The following NXPH2 variants were observed in gnomAD, a reference collection of about 807,000 sequenced individuals.
The protein encoded by NXPH2 is neurexophilin 2.
In NXPH2, 5 loss-of-function variants were observed where a neutral mutation model predicts 19.8. That is an observed-to-expected ratio of 0.25 (90% CI 0.13 to 0.53). The LOEUF is 0.53. Among genes scored for constraint, NXPH2 ranks in the 20% least tolerant of loss-of-function variants. The probability of loss-of-function intolerance (pLI) is 0.96; values close to 1 mark genes in which losing one functional copy is unlikely to be tolerated. For missense variants in NXPH2, 289 were observed against 322.8 expected (o/e 0.90, Z 0.80); for synonymous variants, 154 against 127.4 (o/e 1.21, Z -1.41).
chr2:138,769,617 A>G (rs1257144193), intron 1 of NXPH2, among the ~76,000 whole-genome samples: 1 of 152,178 alleles, frequency 6.6e-6, no homozygotes, highest in Non-Finnish European at 1.5e-5. Context: ...CAGGCAGGAC[A>G]CTGAAGTTTT....
intron 1 of NXPH2, among the ~76,000 whole-genome samples, chr2:138,687,218 T>C (rs1280818841): frequency 2.6e-5 from 4 of 152,298 alleles, no homozygotes; most frequent in South Asian, 2.1e-4. Flanking sequence ...GCACCTGTTG[T>C]TTCCTGACTT....
chr2:138,672,929 T>G (rs2104963836), intron 1 of NXPH2, among the ~76,000 whole-genome samples: 1 of 152,350 alleles, frequency 6.6e-6, no homozygotes, highest in South Asian at 2.1e-4. Flanking sequence ...TGTATGTTCA[T>G]AAAAGTTTAG....
At chr2:138,688,620 A>G (rs2104974248) in intron 1 of NXPH2, among the ~76,000 whole-genome samples, 1 of 152,340 alleles carries the variant, frequency 6.6e-6, no homozygotes, top group South Asian at 2.1e-4. Flanking sequence ...AGTACCATTT[A>G]TTAATGCATT....
chr2:138,755,969 G>T (rs1286452486), intron 1 of NXPH2, among the ~76,000 whole-genome samples: 1 of 151,850 alleles, frequency 6.6e-6, no homozygotes, highest in Non-Finnish European at 1.5e-5. Flanking sequence ...TCAAATTCCA[G>T]TTGTTCTTTA....
chr2:138,673,991 T>C (rs995095943), intron 1 of NXPH2, among the ~76,000 whole-genome samples: 6 of 152,024 alleles, frequency 3.9e-5, no homozygotes, highest in Non-Finnish European at 7.4e-5. Flanking sequence ...GAATACTATT[T>C]ATTTATTTTT....
chr2:138,738,816 C>T (rs559819115), intron 1 of NXPH2, among the ~76,000 whole-genome samples: 3 of 152,282 alleles, frequency 2.0e-5, no homozygotes, highest in Admixed American at 1.3e-4. Flanking sequence ...CCACATGTAC[C>T]GCAGCATCAA....
chr2:138,728,858 C>A (rs757390347), intron 1 of NXPH2, among the ~76,000 whole-genome samples: 1 of 152,108 alleles, frequency 6.6e-6, no homozygotes, highest in East Asian at 1.9e-4. Flanking sequence ...CTGTTTTCAT[C>A]GTCTAGTCTA....
intron 1 of NXPH2, among the ~76,000 whole-genome samples, chr2:138,740,932 A>T (rs970620707): frequency 7.2e-6 from 1 of 138,592 alleles, no homozygotes; most frequent in Non-Finnish European, 1.6e-5. Flanking sequence ...TACAGTAGAG[A>T]TGTGTGTGGG....
At chr2:138,687,533 G>A (rs1211965359) in intron 1 of NXPH2, among the ~76,000 whole-genome samples, 1 of 152,068 alleles carries the variant, frequency 6.6e-6, no homozygotes, top group Non-Finnish European at 1.5e-5. Context: ...TTCTTTTGCT[G>A]TGCAGAAGCT....
At chr2:138,763,549 A>C (rs1209410733) in intron 1 of NXPH2, among the ~76,000 whole-genome samples, 2 of 152,196 alleles carry the variant, frequency 1.3e-5, no homozygotes, top group African/African-American at 4.8e-5. Context: ...CAAACAATGG[A>C]ATCAACCAGT....
intron 1 of NXPH2, among the ~76,000 whole-genome samples, chr2:138,690,494 G>A (rs182222834): frequency 2.0e-5 from 3 of 151,786 alleles, no homozygotes. Flanking sequence ...GGTGCTTCTA[G>A]AGATGGGTCC....
At chr2:138,676,084 C>T (rs922759836) in intron 1 of NXPH2, among the ~76,000 whole-genome samples, 1 of 152,066 alleles carries the variant, frequency 6.6e-6, no homozygotes, top group African/African-American at 2.4e-5. Flanking sequence ...GTTGGTAAAA[C>T]TGTGTACAAC....
intron 1 of NXPH2, among the ~76,000 whole-genome samples, chr2:138,736,931 C>T (rs1681556865): frequency 1.3e-5 from 2 of 152,208 alleles, no homozygotes; most frequent in Admixed American, 1.3e-4. Context: ...CAAGAGTCAC[C>T]TTGGCTCCAG....
chr2:138,713,159 C>G (rs949290705), intron 1 of NXPH2, among the ~76,000 whole-genome samples: 2 of 152,236 alleles, frequency 1.3e-5, no homozygotes, highest in Non-Finnish European at 2.9e-5. Context: ...CATTCAGGAT[C>G]TACTTCCCCA....
At chr2:138,707,836 C>T (rs12691954) in intron 1 of NXPH2, among the ~76,000 whole-genome samples, 76,292 of 151,924 alleles carry the variant, frequency 0.5, 21,322 homozygotes, top group South Asian at 0.75. Context: ...GCCTGAGATC[C>T]TTTTGAATCC....
intron 1 of NXPH2, among the ~76,000 whole-genome samples, chr2:138,686,404 C>A (rs1248624481): frequency 1.3e-5 from 2 of 152,122 alleles, no homozygotes; most frequent in Non-Finnish European, 2.9e-5. Flanking sequence ...TCATGTTAAG[C>A]TCCACCCATT....
intron 1 of NXPH2, among the ~76,000 whole-genome samples, chr2:138,772,122 C>G (rs961674961): frequency 1.3e-5 from 2 of 152,220 alleles, no homozygotes. Flanking sequence ...CACACTTTCT[C>G]TCTCCTTTTT....
chr2:138,691,356 A>C (rs1275032320), intron 1 of NXPH2, among the ~76,000 whole-genome samples: 2 of 152,198 alleles, frequency 1.3e-5, no homozygotes, highest in Non-Finnish European at 2.9e-5. Flanking sequence ...TTAAGTACCA[A>C]TGATTCCATA....
At chr2:138,778,215 C>T (rs919534609) in intron 1 of NXPH2, among the ~76,000 whole-genome samples, 6 of 152,184 alleles carry the variant, frequency 3.9e-5, no homozygotes, top group South Asian at 4.1e-4. Flanking sequence ...GGGATGGCAG[C>T]GTAAGGAATG....
Sources: allele counts gnomAD v4.1 joint callset (sites outside exome capture counted in the v4.1 genomes callset), GRCh38; gene constraint gnomAD v4.1.1; transcripts MANE v1.5; gene names NCBI Gene and HGNC (gene_info 2026-07-23, HGNC 2026-07-21).